Variants in TLE2 observed in about 807,000 individuals in gnomAD.
The protein encoded by TLE2 is TLE family member 2, transcriptional corepressor.
In TLE2, 74 loss-of-function variants were observed where a neutral mutation model predicts 97.2. That is an observed-to-expected ratio of 0.76 (90% CI 0.63 to 0.92). The LOEUF is 0.92. Ranked by LOEUF, TLE2 falls within the 40% of genes least tolerant of loss-of-function variation. TLE2 has a pLI of 0.00. For synonymous variants in TLE2, 499 were observed against 432.1 expected (o/e 1.15, Z -1.92); for missense variants, 1,038 against 1,008.7 (o/e 1.03, Z -0.39).
rs768092859 is a variant in TLE2, at chr19:3,028,759, C to G, written c.69G>C (p.Glu23Asp). Residue 23 changes from glutamate (E) to aspartate (D), a missense_variant, in exon 2 of 20, where the codon GAG becomes GAC. Transcript: ENST00000262953. ...SGQPFKFSIL[E>D]ICDRIKEEFQ... ...ATTCTTCTTTGATGCGGTCGCAGAT[C>G]TCCAAGATCGAGAACTTGAAGGGCT... 1 of 1,612,856 alleles carries G rather than the reference C, an allele frequency of 6.2e-7. No individual in the cohort carries two copies. The highest frequency in any genetic ancestry group is 8.5e-7 in the Non-Finnish European group (1 of 1,179,858).
At chr19:3,024,366 C>T (rs549905642) in intron 5 of TLE2, among the ~76,000 whole-genome samples, 31 of 152,140 alleles carry the variant, frequency 2.0e-4, no homozygotes, top group Admixed American at 3.3e-4. Context: ...AGCACACACA[C>T]GGTTGTGCAG....
At chr19:3,032,575 G>A (rs2090033655), upstream of TLE2, among the ~76,000 whole-genome samples, 1 of 152,114 alleles carries the variant, frequency 6.6e-6, no homozygotes, top group South Asian at 2.1e-4. This position sits in a 1 kb window ranked among gnomAD's most constrained non-coding sequence, Gnocchi z 4.1. Flanking sequence ...TTACTCGGAG[G>A]TTGTTCGCGT....
chr19:3,045,969 A>G (rs1466449440), upstream of TLE2, among the ~76,000 whole-genome samples: 1 of 152,150 alleles, frequency 6.6e-6, no homozygotes, highest in Admixed American at 6.6e-5. Flanking sequence ...GAGAGATCCA[A>G]TTTTCACTGT....
chr19:3,009,405 C>A, intron 13 of TLE2, 137 bp downstream of exon 13: 1 of 1,069,890 alleles, frequency 9.3e-7, no homozygotes, highest in Admixed American at 3.2e-5. Context: ...AGATTGTCTT[C>A]CCATGCATAC....
chr19:3,025,192 C>T (rs1447310961), intron 4 of TLE2, 110 bp from the exon 5 acceptor site: 7 of 1,195,278 alleles, frequency 5.9e-6, no homozygotes, highest in South Asian at 3.2e-5. Flanking sequence ...GGGGAGGTGA[C>T]GCCCGCAGGT....
Position 3,016,187 on chromosome 19 carries a change from C to T in TLE2, c.571-427G>A, listed in dbSNP as rs1432290517. On this transcript the variant is annotated intron_variant, in intron 8 of 19. Transcript: ENST00000262953. The stretch of plus-strand genomic sequence containing the variant: ...CTGACCTCAGGTGATCCACCTGCCT[C>T]GGCCTCCCAAAGTGCTGGGATTACA... Among the ~76,000 whole-genome samples, 6 of 151,880 alleles carry T rather than the reference C, an allele frequency of 4.0e-5. No homozygotes were observed. In the South Asian group the frequency reaches 1.3e-3, roughly 32 times the overall value.
chr19:3,023,155 A>T (rs2089879769), intron 5 of TLE2, among the ~76,000 whole-genome samples: 1 of 151,826 alleles, frequency 6.6e-6, no homozygotes, highest in African/African-American at 2.4e-5. Context: ...CCCGGGTTCA[A>T]GCAATTCTCC....
chr19:3,001,255 G>A (rs576798808), intron 18 of TLE2, among the ~76,000 whole-genome samples: 21 of 146,106 alleles, frequency 1.4e-4, no homozygotes, highest in South Asian at 1.3e-3. Flanking sequence ...CCTGGGTAAC[G>A]CAGTCAGACT....
chr19:3,006,164 T>C, intron 15 of TLE2, 196 bp from the exon 16 acceptor site: 1 of 939,784 alleles, frequency 1.1e-6, no homozygotes, highest in Non-Finnish European at 1.7e-6. Context: ...CTCCATCCTT[T>C]ACCTATAAGC....
Position 3,029,000 on chromosome 19 carries a change from G to A in TLE2, c.-96C>T. 1 of 1,536,782 alleles carries A rather than the reference G, an allele frequency of 6.5e-7. No homozygotes were observed. The highest frequency in any genetic ancestry group is 8.8e-7 in the Non-Finnish European group (1 of 1,142,852). On this transcript the variant is annotated 5_prime_UTR_variant, in exon 1 of 20. Coordinates refer to ENST00000262953, the MANE Select transcript of TLE2 (RefSeq NM_003260.5). ...GCTGAAGTGGGGTGGTGGGGAGGCT[G>A]CCCGAAGAAAGAGGGAGGAGGGAGA...
chr19:3,031,025 A>G (rs2090020209), upstream of TLE2, among the ~76,000 whole-genome samples: 1 of 151,712 alleles, frequency 6.6e-6, no homozygotes, highest in Non-Finnish European at 1.5e-5. Context: ...CAGAGCACCT[A>G]TGACGTGTCA....
At chr19:3,020,348 A>C (rs2089812284) in intron 5 of TLE2, 1 of 152,646 alleles carries the variant, frequency 6.6e-6, no homozygotes, top group Non-Finnish European at 1.5e-5. Context: ...AGGCACTACA[A>C]GGAGCCGAGC....
chr19:3,027,946 G>T, intron 3 of TLE2, 73 bp from the exon 4 acceptor site: 1 of 1,458,540 alleles, frequency 6.9e-7, no homozygotes, highest in Non-Finnish European at 9.4e-7. Context: ...TGATGCCAGG[G>T]TCTTCCAAGA....
At chr19:3,016,607 A>C (rs1238179078) in intron 8 of TLE2, among the ~76,000 whole-genome samples, 1 of 138,992 alleles carries the variant, frequency 7.2e-6, no homozygotes, top group African/African-American at 2.7e-5. Flanking sequence ...AAAAAAAAAA[A>C]TTAAACCATT....
chr19:3,021,114 A>AAAAAAAAAG (rs752326503), intron 5 of TLE2, among the ~76,000 whole-genome samples: 2 of 45,458 alleles, frequency 4.4e-5, no homozygotes, highest in African/African-American at 1.7e-4. Flanking sequence ...AAAAAAAAAA[A>AAAAAAAAAG]GGGGGGGGGG....
chr19:3,039,560 C>T lies in TLE2; in HGVS notation c.63+6166G>A, dbSNP rs1380026474. Among the ~76,000 whole-genome samples the T allele has an allele frequency of 3.9e-5, 6 of 152,182 alleles. No homozygotes were observed. The East Asian group carries it at 1.2e-3, about 29-fold the overall frequency. On this transcript the variant is annotated intron_variant, in intron 1 of 18. Coordinates refer to the TLE2 transcript ENST00000426948. ...CAGCCTGGCTAGAGTAGCTCCCCTC[C>T]TCCTACCTGCTCAGCTTCCCTCAGT...
At chr19:3,026,134 TA>T (rs1335090261) in intron 4 of TLE2, among the ~76,000 whole-genome samples, 1 of 152,112 alleles carries the variant, frequency 6.6e-6, no homozygotes. Flanking sequence ...CATGGACCAC[TA>T]AAGTCAATTT....
At chr19:3,014,534 CCA>C (rs1176434015) in intron 10 of TLE2, 34 bp downstream of exon 10, 1 of 1,543,092 alleles carries the variant, frequency 6.5e-7, no homozygotes, top group Non-Finnish European at 8.8e-7. Flanking sequence ...TGCTCTGTGC[CCA>C]GAGTCGGGGA....
chr19:3,012,210 G>A (rs1032544097), intron 11 of TLE2, among the ~76,000 whole-genome samples: 17 of 152,068 alleles, frequency 1.1e-4, no homozygotes, highest in African/African-American at 1.7e-4. Context: ...CCAAGATTGC[G>A]CCACCACACT....
Sources: allele counts gnomAD v4.1 joint callset (sites outside exome capture counted in the v4.1 genomes callset), GRCh38; gene constraint gnomAD v4.1.1; non-coding constraint Gnocchi (gnomAD v3.1); transcripts MANE v1.5; gene names NCBI Gene and HGNC (gene_info 2026-07-23, HGNC 2026-07-21).